DNTTIP2: variants seen among roughly 807,000 people sequenced by gnomAD.
DNTTIP2 encodes the protein deoxynucleotidyltransferase terminal interacting protein 2.
A neutral mutation model predicts 62.4 loss-of-function variants in DNTTIP2; 47 were observed. That is an observed-to-expected ratio of 0.75 (90% CI 0.60 to 0.96). The LOEUF is 0.96. Among genes scored for constraint, DNTTIP2 ranks in the 40% least tolerant of loss-of-function variants. DNTTIP2 has a pLI of 0.00. For synonymous variants in DNTTIP2, 322 were observed against 300.9 expected (o/e 1.07, Z -0.73); for missense variants, 870 against 849.1 (o/e 1.02, Z -0.31).
chr1:93,869,657 G>T lies in DNTTIP2; in HGVS notation c.*194C>A, dbSNP rs1655806522. 3 of 505,456 alleles carry T rather than the reference G, an allele frequency of 5.9e-6. No individual in the cohort carries two copies. Among genetic ancestry groups the T allele is most frequent in the South Asian group, 3.7e-5 (1 of 27,234 alleles). 31.3% of individuals were successfully genotyped at this position (505,456 alleles called of 1,614,324 possible). A position where few individuals can be genotyped will look rare whatever the true frequency, so the allele number is the denominator to read the frequency against. ...TTTCCCATAAAGAGTCTACACCAGG[G>T]TGGGTCTTTTAGACACCCCTATTTT... On this transcript the variant is annotated 3_prime_UTR_variant, in exon 7 of 7. Transcript: ENST00000436063.
Position 93,877,543 on chromosome 1 carries a change from G to T in DNTTIP2, c.392C>A (p.Thr131Lys). 6.2e-7 allele frequency: 1 copy of T among 1,614,000 alleles called. No individual in the cohort carries two copies. ...TATTTCTTCAGTGTAAGACTCCTTT[G>T]TTGGAGTTACTTTCGGCTTTTTCCT... ...SVRKKPKVTPTKESYTEEIVS... is the reference protein window; with the variant it reads ...SVRKKPKVTPKKESYTEEIVS... Residue 131 changes from threonine to lysine, a missense_variant, in exon 2 of 7, where the codon ACA (threonine) becomes AAA (lysine). Transcript: ENST00000436063.
At position 93,876,729 on chromosome 1, in the gene DNTTIP2, C is replaced by A; in HGVS notation, c.1206G>T (p.Glu402Asp). ...GDCGGSDDEE[E>D]STVISVSEDM... The stretch of plus-strand genomic sequence containing the variant: ...CTTCACTGACACTTATAACTGTGGA[C>A]TCTTCTTCATCATCACTACCACCAC... Residue 402 changes from glutamate to aspartate, a missense_variant, in exon 2 of 7, where the codon GAG (glutamate) becomes GAT (aspartate). Coordinates refer to ENST00000436063, the MANE Select transcript of DNTTIP2 (RefSeq NM_014597.5). 1 of 1,613,990 alleles carries A rather than the reference C, an allele frequency of 6.2e-7. No individual in the cohort carries two copies. Among genetic ancestry groups the A allele is most frequent in the Non-Finnish European group, 8.5e-7 (1 of 1,179,882 alleles).
rs758370584 is a variant in DNTTIP2, at chr1:93,876,514, G to A, written c.1421C>T (p.Ser474Leu). 3 of 1,613,914 alleles carry A rather than the reference G, an allele frequency of 1.9e-6. No individual in the cohort carries two copies. Among genetic ancestry groups the A allele is most frequent in the South Asian group, 1.1e-5 (1 of 91,070 alleles). ...CAGACTTCCTGTGTCTCCACTTAAT[G>A]ACTCCCTTTGGCCACTATTTTCAAC... is the stretch of plus-strand genomic sequence containing the variant. The part of the protein sequence containing the change: ...CFVENSGQRE[S>L]LSGDTGSLSC... Residue 474 changes from serine (S) to leucine (L), a missense_variant, in exon 2 of 7, where the codon TCA becomes TTA. By Grantham distance (145) the Ser-to-Leu change is moderately radical (BLOSUM62 -2). Coordinates refer to ENST00000436063, the MANE Select transcript of DNTTIP2 (RefSeq NM_014597.5).
intron 3 of DNTTIP2, 36 bp from the exon 4 acceptor site, chr1:93,873,250 A>T: frequency 1.3e-6 from 2 of 1,481,688 alleles, no homozygotes; most frequent in Non-Finnish European, 1.9e-6. Flanking sequence ...AAATAATGTC[A>T]GAATGTTATA....
At position 93,877,455 on chromosome 1, in the gene DNTTIP2, A is replaced by G. The variant is rs1305176749; in HGVS notation, c.480T>C (p.Thr160=). 6.2e-7 allele frequency: 1 copy of G among 1,613,860 alleles called. No individual in the cohort carries two copies. Among genetic ancestry groups the G allele is most frequent in the Non-Finnish European group, 8.5e-7 (1 of 1,179,872 alleles). Residue 160 remains threonine, a synonymous_variant, in exon 2 of 7, where the codon ACT becomes ACC. Coordinates refer to ENST00000436063, the MANE Select transcript of DNTTIP2 (RefSeq NM_014597.5). ...TAGCCTTACTTCTTCTGGCTCCTGTAGTTTTTTCTGTAGGAAGCACAATTC... is the reference window on the plus strand; with the variant it reads ...TAGCCTTACTTCTTCTGGCTCCTGTGGTTTTTTCTGTAGGAAGCACAATTC... The part of the protein sequence containing the change: ...ISRIVLPTEK[T]TGARRSKAKS...
In DNTTIP2 at chr1:93,868,502, T is replaced by C. The variant is rs1188397308; in HGVS notation, c.*1349A>G. On this transcript the variant is annotated 3_prime_UTR_variant, in exon 7 of 7. Coordinates refer to ENST00000436063, the MANE Select transcript of DNTTIP2 (RefSeq NM_014597.5). ...CCCAGCAATCCCATTACTGGGTATA[T>C]ACCCAAAGGATTATAAATCATTCTA... 2.0e-5 allele frequency: 3 copies of C among 152,200 alleles called. No homozygotes were observed. The highest frequency in any genetic ancestry group is 7.2e-5 in the African/African-American group (3 of 41,444). The allele number at this position is 152,200 out of a possible 1,614,324, so 9.4% of individuals were successfully genotyped here.
Position 93,872,097 on chromosome 1 carries a change from C to T in DNTTIP2, c.2042G>A (p.Arg681Lys). 1.2e-6 allele frequency: 2 copies of T among 1,613,824 alleles called. No individual in the cohort carries two copies. The highest frequency in any genetic ancestry group is 1.7e-6 in the Non-Finnish European group (2 of 1,179,780). Residue 681 changes from arginine to lysine, a missense_variant, in exon 5 of 7, where the codon AGA becomes AAA. Physicochemically the swap from Arg to Lys is conservative, Grantham distance 26. Coordinates refer to ENST00000436063, the MANE Select transcript of DNTTIP2 (RefSeq NM_014597.5). ...CTGGAAGTACTTGGGGAAGCCATCTCTATCATTTTTCTTGTAAAATCTTTT... is the reference window on the plus strand; with the variant it reads ...CTGGAAGTACTTGGGGAAGCCATCTTTATCATTTTTCTTGTAAAATCTTTT... ...DPKRFYKKND[R>K]DGFPKYFQIG... is the part of the protein sequence containing the mutation.
At chr1:93,870,841 T>G in intron 5 of DNTTIP2, 49 bp from the exon 6 acceptor site, 1 of 961,652 alleles carries the variant, frequency 1.0e-6, no homozygotes, top group Non-Finnish European at 1.5e-6. Flanking sequence ...CCAAGATGCT[T>G]TCATACTTCA....
At chr1:93,872,851 G>A (rs539674657) in intron 4 of DNTTIP2, among the ~76,000 whole-genome samples, 5 of 151,584 alleles carry the variant, frequency 3.3e-5, no homozygotes, top group South Asian at 2.1e-4. Context: ...ATAACTAGTC[G>A]AAATGGCAGA....
At chr1:93,877,988 A>C in intron 1 of DNTTIP2, 126 bp from the exon 2 acceptor site, 2 of 1,348,672 alleles carry the variant, frequency 1.5e-6, no homozygotes, top group Admixed American at 5.9e-5. Flanking sequence ...AAACAAAAAA[A>C]CCTGCCCAAC....
chr1:93,877,913 C>G, intron 1 of DNTTIP2, 51 bp from the exon 2 acceptor site: 1 of 1,539,772 alleles, frequency 6.5e-7, no homozygotes, highest in South Asian at 1.2e-5. Flanking sequence ...GGAACAAGGG[C>G]AAAGCAAATG....
rs12027630 is a variant in DNTTIP2 at position 93,867,361 on chromosome 1, A to C, written c.*2490T>G. The C allele has an allele frequency of 0.29, 44,194 of 151,862 alleles. 7,422 individuals carry two copies. The highest frequency in any genetic ancestry group is 0.56 in the East Asian group (2,857 of 5,090). 9.4% of individuals were successfully genotyped at this position (151,862 alleles called of 1,614,324 possible). A position where few individuals can be genotyped will look rare whatever the true frequency, so the allele number is the denominator to read the frequency against. The stretch of plus-strand genomic sequence containing the variant: ...GGTGGCTCACACCTGTAATCCCAGC[A>C]CTTTGGGAGGCCGAGGCGGGTGGAT... On this transcript the variant is annotated 3_prime_UTR_variant, in exon 7 of 7. Transcript: ENST00000436063.
In DNTTIP2 at chr1:93,877,129, A is replaced by G. The variant is rs1656032031; in HGVS notation, c.806T>C (p.Phe269Ser). Residue 269 changes from phenylalanine to serine, a missense_variant, in exon 2 of 7, where the codon TTC becomes TCC. Transcript: ENST00000436063. ...TATATTTTCTGAACTTCTGTGGGAG[A>G]AATCATCATCAAAGTCATTATTATA... The part of the protein sequence containing the change: ...NFYNNDFDDD[F>S]SHRSSENILT... 1 of 1,611,888 alleles carries G rather than the reference A, an allele frequency of 6.2e-7. No homozygotes were observed.
intron 3 of DNTTIP2, 141 bp downstream of exon 3, chr1:93,875,504 T>C: frequency 2.7e-6 from 2 of 729,318 alleles, no homozygotes; most frequent in Non-Finnish European, 4.2e-6. Context: ...TAAAAAGAAA[T>C]GACTGTTTTA....
At chr1:93,879,018 C>A in intron 1 of DNTTIP2, 59 bp downstream of exon 1, 1 of 1,599,378 alleles carries the variant, frequency 6.3e-7, no homozygotes, top group Non-Finnish European at 8.5e-7. Flanking sequence ...TGCGCCGCCC[C>A]GCCTGCCTGA....
At chr1:93,874,909 T>C (rs2100886470) in intron 3 of DNTTIP2, among the ~76,000 whole-genome samples, 1 of 152,328 alleles carries the variant, frequency 6.6e-6, no homozygotes, top group South Asian at 2.1e-4. Flanking sequence ...AGCAAAGGCC[T>C]GCACTAGCTG....
chr1:93,878,078 A>T (rs946251290), intron 1 of DNTTIP2, among the ~76,000 whole-genome samples: 2 of 152,134 alleles, frequency 1.3e-5, no homozygotes, highest in Non-Finnish European at 2.9e-5. Context: ...AGGCCGAGGC[A>T]GGTGGATCAC....
At chr1:93,870,942 CAA>C (rs57384286) in intron 5 of DNTTIP2, 150 bp from the exon 6 acceptor site, 925 of 361,300 alleles carry the variant, frequency 2.6e-3, no homozygotes, top group South Asian at 3.2e-3. Context: ...TTATTTAAAG[CAA>C]AAAAAAAAAA....
rs757229733 is a variant in DNTTIP2 at position 93,869,936 on chromosome 1, C to A, written c.2186G>T (p.Arg729Leu). ...LADSEFRRYNRRKYSEIMAEK... is the reference protein window; with the variant it reads ...LADSEFRRYNLRKYSEIMAEK... ...AGCCATGATCTCTGAGTACTTCCTTCGGTTGTATCTGAAAAAGAAAAATCA... is the reference window on the plus strand; with the variant it reads ...AGCCATGATCTCTGAGTACTTCCTTAGGTTGTATCTGAAAAAGAAAAATCA... Residue 729 changes from arginine (R) to leucine (L), a missense_variant, in exon 7 of 7, where the codon CGA (arginine) becomes CTA (leucine). Transcript: ENST00000436063. 1 of 777,968 alleles carries A rather than the reference C, an allele frequency of 1.3e-6. No individual in the cohort carries two copies. Among genetic ancestry groups the A allele is most frequent in the East Asian group, 2.4e-5 (1 of 41,176 alleles). The allele number at this position is 777,968 out of a possible 1,614,324, so 48.2% of individuals were successfully genotyped here.
Sources: allele counts gnomAD v4.1 joint callset (sites outside exome capture counted in the v4.1 genomes callset), GRCh38; gene constraint gnomAD v4.1.1; transcripts MANE v1.5; gene names NCBI Gene and HGNC (gene_info 2026-07-23, HGNC 2026-07-21).